CAMKMT: variants seen among roughly 807,000 people sequenced by gnomAD.
The protein encoded by CAMKMT is calmodulin-lysine N-methyltransferase, also known as CaM KMT.
In CAMKMT, 53 loss-of-function variants were observed where a neutral mutation model predicts 48.0. The observed-to-expected ratio is 1.10, with a 90% CI of 0.89 to 1.39. The LOEUF is 1.39. CAMKMT is among the 40% of genes most tolerant of loss of function. The probability of loss-of-function intolerance (pLI) is 0.00; values close to 1 mark genes in which losing one functional copy is unlikely to be tolerated. For missense variants in CAMKMT, 428 were observed against 402.7 expected (o/e 1.06, Z -0.54); for synonymous variants, 165 against 152.3 (o/e 1.08, Z -0.61).
intron 3 of CAMKMT, among the ~76,000 whole-genome samples, chr2:44,663,467 T>G (rs578046974): frequency 5.0e-4 from 76 of 152,246 alleles, no homozygotes; most frequent in Non-Finnish European, 9.7e-4. Flanking sequence ...CTGTGAAATC[T>G]TGTTTAGTAT....
rs562729348 is a variant in CAMKMT, at chr2:44,671,454, C to A, written c.377-32829C>A. Among the ~76,000 whole-genome samples, 112 of 152,288 alleles carry A rather than the reference C, an allele frequency of 7.4e-4. 3 individuals carry two copies. The South Asian group carries it at 0.011, about 16-fold the overall frequency. The stretch of plus-strand genomic sequence containing the variant: ...GTAATTTATTTAGAGCCAGGTTTCC[C>A]AGCAGTGACACTGTTGGCCTTCTGG... On this transcript the variant is annotated intron_variant, in intron 3 of 10. Transcript: ENST00000378494.
Position 44,556,462 on chromosome 2 carries a change from T to TAAAGGATTAATCCGCTAGGCACAG in CAMKMT, c.377-147821_377-147820insAAAGGATTAATCCGCTAGGCACAG, listed in dbSNP as rs1356090739. The stretch of plus-strand genomic sequence containing the variant: ...CCAATTTTTCTTTCTTTTTTTTTTT[T>TAAAGGATTAATCCGCTAGGCACAG]TTTTTTTTTTTTTTTTTTGAGACGG... On this transcript the variant is annotated intron_variant, in intron 3 of 10. Transcript: ENST00000378494. 2.4e-3 allele frequency among the ~76,000 whole-genome samples: 116 copies of TAAAGGATTAATCCGCTAGGCACAG among 47,940 alleles called. 9 individuals are homozygous for TAAAGGATTAATCCGCTAGGCACAG. The highest frequency in any genetic ancestry group is 3.4e-3 in the African/African-American group (38 of 11,070). 31.5% of individuals were successfully genotyped at this position (47,940 alleles called of 152,430 possible).
At chr2:44,366,217 AT>A (rs1382962003) in intron 1 of CAMKMT, among the ~76,000 whole-genome samples, 2 of 152,176 alleles carry the variant, frequency 1.3e-5, no homozygotes, top group Non-Finnish European at 2.9e-5. Flanking sequence ...GACAAATTTA[AT>A]TTGTTATTTT....
intron 3 of CAMKMT, among the ~76,000 whole-genome samples, chr2:44,625,801 G>T (rs2103949723): frequency 6.6e-6 from 1 of 152,098 alleles, no homozygotes; most frequent in Middle Eastern, 3.4e-3. Flanking sequence ...TTTACATATT[G>T]TTGAAAATTA....
chr2:44,375,818 A>G (rs1572670740), intron 2 of CAMKMT, among the ~76,000 whole-genome samples: 2 of 151,822 alleles, frequency 1.3e-5, no homozygotes, highest in Admixed American at 6.6e-5. Context: ...AGGAGTCTCA[A>G]TCTGTCACCC....
Position 44,466,646 on chromosome 2 carries a change from G to T in CAMKMT, c.376+76341G>T, listed in dbSNP as rs191004012. On this transcript the variant is annotated intron_variant, in intron 3 of 10. Transcript: ENST00000378494. ...AAACTAATCCCGAAGCTAGTAGAAG[G>T]AAGGATATAATAAAGATTTGAACAG... 6.6e-5 allele frequency among the ~76,000 whole-genome samples: 10 copies of T among 152,082 alleles called. No individual in the cohort carries two copies. The East Asian group carries it at 1.9e-3, about 29-fold the overall frequency.
intron 3 of CAMKMT, among the ~76,000 whole-genome samples, chr2:44,596,246 C>T (rs377087682): frequency 6.6e-6 from 1 of 151,840 alleles, no homozygotes; most frequent in Non-Finnish European, 1.5e-5. Flanking sequence ...GTCAGGAGTT[C>T]GAGACCAGCC....
intron 3 of CAMKMT, among the ~76,000 whole-genome samples, chr2:44,431,216 C>G (rs1181075672): frequency 6.6e-6 from 1 of 152,016 alleles, no homozygotes; most frequent in African/African-American, 2.4e-5. Context: ...TTTTGGTAAA[C>G]TGATACTTTT....
At chr2:44,391,341 A>T (rs945284545) in intron 3 of CAMKMT, among the ~76,000 whole-genome samples, 9 of 152,176 alleles carry the variant, frequency 5.9e-5, no homozygotes, top group Non-Finnish European at 8.8e-5. Context: ...TTTTTTATGG[A>T]TAGTGACTGA....
At chr2:44,641,154 A>G (rs1407166717) in intron 3 of CAMKMT, among the ~76,000 whole-genome samples, 2 of 152,208 alleles carry the variant, frequency 1.3e-5, no homozygotes, top group Non-Finnish European at 2.9e-5. Flanking sequence ...GTATAGATAT[A>G]TAAATATCTT....
rs147902225 is a variant in CAMKMT at position 44,667,594 on chromosome 2, T to C, written c.377-36689T>C. ...TCAACATCCACATAGATAGATCATC[T>C]ATCTGTAGTTTGTTATTCCTCCCCG... On this transcript the variant is annotated intron_variant, in intron 3 of 10. Coordinates refer to ENST00000378494, the MANE Select transcript of CAMKMT (RefSeq NM_024766.5). Among the ~76,000 whole-genome samples the C allele has an allele frequency of 7.9e-5, 12 of 152,334 alleles. No individual in the cohort carries two copies. In the East Asian group the frequency reaches 2.1e-3, roughly 27 times the overall value.
At chr2:44,720,314 CT>C (rs1293113829) in intron 7 of CAMKMT, among the ~76,000 whole-genome samples, 1 of 152,120 alleles carries the variant, frequency 6.6e-6, no homozygotes, top group Admixed American at 6.6e-5. Flanking sequence ...CCCACTTCTA[CT>C]TTTTACCAAG....
intron 3 of CAMKMT, among the ~76,000 whole-genome samples, chr2:44,499,609 G>C (rs756766273): frequency 2.6e-5 from 4 of 152,122 alleles, no homozygotes; most frequent in Non-Finnish European, 5.9e-5. Flanking sequence ...ACAACAAAAC[G>C]GGAATTCACT....
intron 3 of CAMKMT, among the ~76,000 whole-genome samples, chr2:44,538,137 A>C (rs1425454668): frequency 1.3e-5 from 2 of 152,146 alleles, no homozygotes; most frequent in African/African-American, 4.8e-5. Flanking sequence ...TGGGAGACCG[A>C]GGCGGGTGGA....
At chr2:44,728,047 C>A (rs1231365541) in intron 7 of CAMKMT, among the ~76,000 whole-genome samples, 1 of 152,134 alleles carries the variant, frequency 6.6e-6, no homozygotes, top group Non-Finnish European at 1.5e-5. Flanking sequence ...CTCAGCCTCC[C>A]AAGTAGATGG....
At chr2:44,455,082 G>A (rs752887596) in intron 3 of CAMKMT, among the ~76,000 whole-genome samples, 2 of 152,114 alleles carry the variant, frequency 1.3e-5, no homozygotes, top group South Asian at 2.1e-4. Context: ...ATAAGCACTT[G>A]AAAGGTATTT....
At chr2:44,655,770 A>G (rs536070999) in intron 3 of CAMKMT, among the ~76,000 whole-genome samples, 2 of 152,260 alleles carry the variant, frequency 1.3e-5, no homozygotes, top group East Asian at 1.9e-4. Context: ...ATGCTTACCG[A>G]GCTTGTTCAA....
At chr2:44,577,064 T>G (rs1299751881) in intron 3 of CAMKMT, among the ~76,000 whole-genome samples, 1 of 152,230 alleles carries the variant, frequency 6.6e-6, no homozygotes, top group Non-Finnish European at 1.5e-5. Context: ...GTAAGCATTC[T>G]GGTTAAATAA....
chr2:44,413,141 A>G (rs1406239728), intron 3 of CAMKMT, among the ~76,000 whole-genome samples: 2 of 152,192 alleles, frequency 1.3e-5, no homozygotes, highest in East Asian at 1.9e-4. Context: ...GGTGTTATCT[A>G]TTCTGTACAG....
Sources: gnomAD v4.1 joint callset for allele counts (sites outside exome capture counted in the v4.1 genomes callset) on GRCh38, gnomAD v4.1.1 for gene constraint, MANE v1.5 for transcripts, NCBI Gene and HGNC (gene_info 2026-07-23, HGNC 2026-07-21) for gene names.